The following PEX26 variants were observed in gnomAD, a reference collection of about 807,000 sequenced individuals.
The protein encoded by PEX26 is peroxisome assembly protein 26.
A neutral mutation model predicts 31.4 loss-of-function variants in PEX26; 18 were observed. That is an observed-to-expected ratio of 0.57 (90% CI 0.40 to 0.85). The LOEUF (loss-of-function observed/expected upper bound fraction) is 0.85. Among genes scored for constraint, PEX26 ranks in the 40% least tolerant of loss-of-function variants. PEX26 has a pLI of 0.00. For missense variants in PEX26, 377 were observed against 383.9 expected (o/e 0.98, Z 0.15); for synonymous variants, 176 against 166.9 (o/e 1.05, Z -0.42).
intron 2 of PEX26, among the ~76,000 whole-genome samples, chr22:18,081,243 T>TACACACACACACACACACACAC (rs1221829469): frequency 1.6e-5 from 1 of 62,372 alleles, no homozygotes; most frequent in Non-Finnish European, 3.6e-5. Flanking sequence ...TATGTACACA[T>TACACACACACACACACACACAC]ATACACACAC....
rs770611373 is a variant in PEX26, at chr22:18,083,506, C to T, written c.441C>T (p.Asp147=). 54 of 1,613,920 alleles carry T rather than the reference C, an allele frequency of 3.3e-5. No individual in the cohort carries two copies. In the Admixed American group the frequency reaches 8.8e-4, roughly 26 times the overall value. The change falls in exon 3 of 5, where the codon GAC becomes GAT. Residue 147 remains aspartate (D), a synonymous_variant. Transcript: ENST00000399744. ...VLDVVGAWLQ[D]PANQNLPEYG... ...ATGTGGTGGGTGCCTGGCTCCAAGA[C>T]CCAGCCAATCAAAACCTTCCAGAAT...
rs1303264129 is a variant in PEX26, at chr22:18,100,451, C to T, written c.*12376C>T. ...ATACTTGCAAAATACCTCAAGTGTA[C>T]CTCATTTACCTCAAATATACCTCAT... is the stretch of plus-strand genomic sequence containing the variant. On this transcript the variant is annotated 3_prime_UTR_variant, in exon 5 of 5. Transcript: ENST00000399744. The T allele has an allele frequency of 1.3e-5, 2 of 152,052 alleles. No individual in the cohort carries two copies. Among genetic ancestry groups the T allele is most frequent in the African/African-American group, 4.8e-5 (2 of 41,396 alleles). The allele number at this position is 152,052 out of a possible 1,614,324, so 9.4% of individuals were successfully genotyped here.
intron 2 of PEX26, among the ~76,000 whole-genome samples, chr22:18,082,852 G>C (rs1400200174): frequency 6.6e-6 from 1 of 152,146 alleles, no homozygotes; most frequent in Admixed American, 6.5e-5. Context: ...TTTTTTGTGT[G>C]TCCCCTTCAA....
Position 18,078,604 on chromosome 22 carries a change from C to G in PEX26, c.228C>G (p.Gly76=). Residue 76 remains glycine, a splice_region_variant and synonymous_variant, in exon 1 of 5, where the codon GGC becomes GGG. Coordinates refer to ENST00000399744, the MANE Select transcript of PEX26 (RefSeq NM_001127649.3). ...ANHAVAEEPA[G]TSLEVKCSLC... ...ACGCCGTGGCAGAGGAACCCGCGGGCACGTACGTGCTGGGCTCGGAAATGA... is the reference window on the plus strand; with the variant it reads ...ACGCCGTGGCAGAGGAACCCGCGGGGACGTACGTGCTGGGCTCGGAAATGA... 1.3e-6 allele frequency: 2 copies of G among 1,598,600 alleles called. No homozygotes were observed. Among genetic ancestry groups the G allele is most frequent in the Non-Finnish European group, 1.7e-6 (2 of 1,175,390 alleles).
Position 18,102,151 on chromosome 22 carries a change from A to T in PEX26, c.*14076A>T, listed in dbSNP as rs1927468939. 6.6e-6 allele frequency: 1 copy of T among 152,242 alleles called. No individual in the cohort carries two copies. Among genetic ancestry groups the T allele is most frequent in the Non-Finnish European group, 1.5e-5 (1 of 68,060 alleles). 9.4% of individuals were successfully genotyped at this position (152,242 alleles called of 1,614,324 possible). A position where few individuals can be genotyped will look rare whatever the true frequency, so the allele number is the denominator to read the frequency against. ...TAGTGGGTTATTCCACACTGTTGAC[A>T]CACTGAATGTATGCTGGCAGAAGGG... On this transcript the variant is annotated 3_prime_UTR_variant, in exon 5 of 5. Transcript: ENST00000399744.
At chr22:18,085,398 G>A in intron 4 of PEX26, 140 bp downstream of exon 4, 1 of 912,190 alleles carries the variant, frequency 1.1e-6, no homozygotes, top group Admixed American at 2.0e-5. Flanking sequence ...TGTTCCACAA[G>A]GAGGAATTGC....
rs1487677317 is a variant in PEX26, at chr22:18,089,393, GAAC to G, written c.*1321_*1323del. The G allele has an allele frequency of 3.3e-5, 5 of 152,776 alleles. No homozygotes were observed. The highest frequency in any genetic ancestry group is 9.6e-5 in the African/African-American group (4 of 41,460). The allele number at this position is 152,776 out of a possible 1,614,324, so 9.5% of individuals were successfully genotyped here. On this transcript the variant is annotated 3_prime_UTR_variant, in exon 5 of 5. Transcript: ENST00000399744. ...GGGAGACATGGGTTTTGAAGGCAGT[GAAC>G]AATAAAACCTTAGGGAGGTGGCACC... is the stretch of plus-strand genomic sequence containing the variant.
chr22:18,103,932 G>A lies in PEX26; in HGVS notation c.*15857G>A, dbSNP rs1440895379. 1 of 152,156 alleles carries A rather than the reference G, an allele frequency of 6.6e-6. No homozygotes were observed. Among genetic ancestry groups the A allele is most frequent in the Admixed American group, 6.6e-5 (1 of 15,248 alleles). The allele number at this position is 152,156 out of a possible 1,614,324, so 9.4% of individuals were successfully genotyped here. On this transcript the variant is annotated 3_prime_UTR_variant, in exon 5 of 5. Coordinates refer to ENST00000399744, the MANE Select transcript of PEX26 (RefSeq NM_001127649.3). ...CTTTCTGGGTTTTTCTCTTGGGCTG[G>A]TTTTTGAAAGTGGATCTACAACATT...
chr22:18,084,241 T>C lies in PEX26; in HGVS notation c.667+509T>C, dbSNP rs951666098. 7.1e-3 allele frequency among the ~76,000 whole-genome samples: 1,001 copies of C among 141,788 alleles called. 2 individuals are homozygous for C. The highest frequency in any genetic ancestry group is 0.028 in the East Asian group (130 of 4,698). 93.0% of individuals were successfully genotyped at this position (141,788 alleles called of 152,430 possible). The stretch of plus-strand genomic sequence containing the variant: ...AGAAAGTCACCATCTCTCTCTCTTT[T>C]TTTTTTTTTTTTTTTTTGTTTGAGA... On this transcript the variant is annotated intron_variant, in intron 3 of 4. Transcript: ENST00000399744.
rs745516553 is a variant in PEX26, at chr22:18,088,053, A to G, written c.896A>G (p.Tyr299Cys). The G allele has an allele frequency of 5.6e-6, 9 of 1,612,038 alleles. No homozygotes were observed. Among genetic ancestry groups the G allele is most frequent in the East Asian group, 4.5e-5 (2 of 44,874 alleles). Residue 299 changes from tyrosine (Y) to cysteine (C), a missense_variant, in exon 5 of 5, where the codon TAC becomes TGC. Tyr to Cys is a radical substitution (Grantham distance 194). Transcript: ENST00000399744. This position sits in a 1 kb window ranked among gnomAD's most constrained non-coding sequence, Gnocchi z 4.1. Reference protein sequence around the residue: ...WIRKAAFSRLYQLRIRD With the variant: ...WIRKAAFSRLCQLRIRD ...CGGAAGGCTGCATTTTCTCGCCTCT[A>G]CCAGCTCCGCATCCGTGACTGAGGG...
rs1450952798 is a variant in PEX26, at chr22:18,099,264, G to T, written c.*11189G>T. The T allele has an allele frequency of 2.0e-5, 3 of 152,158 alleles. No homozygotes were observed. The highest frequency in any genetic ancestry group is 4.4e-5 in the Non-Finnish European group (3 of 68,030). 9.4% of individuals were successfully genotyped at this position (152,158 alleles called of 1,614,324 possible). The stretch of plus-strand genomic sequence containing the variant: ...GTACTTGAATTAAAAAAATGAATTT[G>T]TGAGGCAATATTGCTGGAGTCAAAA... On this transcript the variant is annotated 3_prime_UTR_variant, in exon 5 of 5. Coordinates refer to ENST00000399744, the MANE Select transcript of PEX26 (RefSeq NM_001127649.3).
chr22:18,083,421 T>G lies in PEX26; in HGVS notation c.372-16T>G. The G allele has an allele frequency of 6.2e-7, 1 of 1,613,182 alleles. No individual in the cohort carries two copies. The highest frequency in any genetic ancestry group is 8.5e-7 in the Non-Finnish European group (1 of 1,179,884). ...GACTCTTCTTTTGTTGGGATTGGGT[T>G]TTTTGGGGACTGCAGCATTCTTTTA... is the stretch of plus-strand genomic sequence containing the variant. On this transcript the variant is annotated splice_polypyrimidine_tract_variant and intron_variant, in intron 2 of 4. Coordinates refer to ENST00000399744, the MANE Select transcript of PEX26 (RefSeq NM_001127649.3).
chr22:18,078,281 T>C lies in PEX26; in HGVS notation c.-96T>C, dbSNP rs867918324. The C allele has an allele frequency of 1.1e-6, 1 of 871,142 alleles. No homozygotes were observed. The highest frequency in any genetic ancestry group is 1.9e-6 in the Non-Finnish European group (1 of 536,918). The allele number at this position is 871,142 out of a possible 1,614,324, so 54.0% of individuals were successfully genotyped here. On this transcript the variant is annotated 5_prime_UTR_variant, in exon 1 of 5. Transcript: ENST00000399744. ...GGTGTGGGCAAAGAGATGAGGACTC[T>C]CCCTCTTCGCCCAGGCCAACTCGGG... is the stretch of plus-strand genomic sequence containing the variant.
rs362143 is a variant in PEX26 at position 18,093,562 on chromosome 22, T to TA, written c.*5501dup. The stretch of plus-strand genomic sequence containing the variant: ...TGGGGGACAGAGCAAGACTCCGTCT[T>TA]AAAAAAAAAAAAAACAAAAATAAAC... On this transcript the variant is annotated 3_prime_UTR_variant, in exon 5 of 5. Coordinates refer to ENST00000399744, the MANE Select transcript of PEX26 (RefSeq NM_001127649.3). 0.85 allele frequency: 121,854 copies of TA among 143,224 alleles called. 52,231 individuals carry two copies. The highest frequency in any genetic ancestry group is 0.99 in the East Asian group (4,868 of 4,920). The allele number at this position is 143,224 out of a possible 1,614,324, so 8.9% of individuals were successfully genotyped here. A position where few individuals can be genotyped will look rare whatever the true frequency, so the allele number is the denominator to read the frequency against.
In PEX26 at chr22:18,078,282, C is replaced by A. The variant is rs892997707; in HGVS notation, c.-95C>A. On this transcript the variant is annotated 5_prime_UTR_variant, in exon 1 of 5. Transcript: ENST00000399744. ...GTGTGGGCAAAGAGATGAGGACTCT[C>A]CCTCTTCGCCCAGGCCAACTCGGGA... is the stretch of plus-strand genomic sequence containing the variant. The A allele has an allele frequency of 1.1e-6, 1 of 874,474 alleles. No individual in the cohort carries two copies. Among genetic ancestry groups the A allele is most frequent in the South Asian group, 1.4e-5 (1 of 70,462 alleles). The allele number at this position is 874,474 out of a possible 1,614,324, so 54.2% of individuals were successfully genotyped here. A position where few individuals can be genotyped will look rare whatever the true frequency, so the allele number is the denominator to read the frequency against.
chr22:18,085,443 G>A (rs1014863932), intron 4 of PEX26, among the ~76,000 whole-genome samples, 185 bp downstream of exon 4: 2 of 152,196 alleles, frequency 1.3e-5, no homozygotes, highest in Admixed American at 1.3e-4. Context: ...CCCATAAGGA[G>A]AGGCCAGTCC....
chr22:18,079,316 G>T (rs1602456484), intron 1 of PEX26: 1 of 740,748 alleles, frequency 1.3e-6, no homozygotes, highest in South Asian at 6.1e-5. Context: ...GGAGGTGGTA[G>T]GTAGAATAGC....
intron 2 of PEX26, chr22:18,081,399 A>G (rs1569187119): frequency 6.5e-6 from 1 of 153,294 alleles, no homozygotes; most frequent in Non-Finnish European, 1.5e-5. Context: ...TTCTATTTTT[A>G]TTTTTTTCAC....
rs1927569398 is a variant in PEX26 at position 18,104,816 on chromosome 22, G to A, written c.*16741G>A. The A allele has an allele frequency of 6.6e-6, 1 of 152,160 alleles. No individual in the cohort carries two copies. The highest frequency in any genetic ancestry group is 1.5e-5 in the Non-Finnish European group (1 of 68,048). The allele number at this position is 152,160 out of a possible 1,614,324, so 9.4% of individuals were successfully genotyped here. A position where few individuals can be genotyped will look rare whatever the true frequency, so the allele number is the denominator to read the frequency against. On this transcript the variant is annotated 3_prime_UTR_variant, in exon 5 of 5. Coordinates refer to ENST00000399744, the MANE Select transcript of PEX26 (RefSeq NM_001127649.3). Reference sequence around the variant, plus strand: ...TCCCATGATTCACCTCCTCTTTGGTGATCTCTTGATTGCGGCTGCTGCAGC... The same window carrying A: ...TCCCATGATTCACCTCCTCTTTGGTAATCTCTTGATTGCGGCTGCTGCAGC...
Sources: gnomAD v4.1 joint callset for allele counts (sites outside exome capture counted in the v4.1 genomes callset) on GRCh38, gnomAD v4.1.1 for gene constraint, Gnocchi (gnomAD v3.1) non-coding constraint, MANE v1.5 for transcripts, NCBI Gene and HGNC (gene_info 2026-07-23, HGNC 2026-07-21) for gene names.